The following OVOL2 variants were observed in gnomAD, a reference collection of about 807,000 sequenced individuals.
The protein encoded by OVOL2 is transcription factor Ovo-like 2.
A neutral mutation model predicts 18.1 loss-of-function variants in OVOL2; 13 were observed. That is an observed-to-expected ratio of 0.72 (90% CI 0.47 to 1.14). The LOEUF (loss-of-function observed/expected upper bound fraction) is 1.14. OVOL2 is among the 50% of genes most tolerant of loss of function. The pLI, the probability that OVOL2 is intolerant of heterozygous loss-of-function variation, is 0.00. For missense variants in OVOL2, 335 were observed against 383.0 expected, an observed-to-expected ratio of 0.87 and a Z score of 1.05; for synonymous variants, 166 against 162.7, an observed-to-expected ratio of 1.02 and a Z score of -0.16.
At chr20:18,054,862 A>C (rs2122728743) in intron 2 of OVOL2, among the ~76,000 whole-genome samples, 1 of 152,286 alleles carries the variant, frequency 6.6e-6, no homozygotes, top group African/African-American at 2.4e-5. Flanking sequence ...GAACTTTATA[A>C]TTATACAACG....
intron 3 of OVOL2, among the ~76,000 whole-genome samples, chr20:18,031,611 C>T (rs1393530985): frequency 1.3e-5 from 2 of 152,118 alleles, no homozygotes; most frequent in Admixed American, 1.3e-4. Context: ...AAGCTGGCTG[C>T]TGGGTACATG....
At chr20:18,041,187 G>A (rs1021215500) in intron 3 of OVOL2, among the ~76,000 whole-genome samples, 2 of 151,594 alleles carry the variant, frequency 1.3e-5, no homozygotes, top group Non-Finnish European at 2.9e-5. Context: ...TTTTTGAGAT[G>A]GAGTCTTGCA....
intron 2 of OVOL2, among the ~76,000 whole-genome samples, chr20:18,048,542 C>T (rs1228884179): frequency 6.6e-6 from 1 of 151,986 alleles, no homozygotes; most frequent in Non-Finnish European, 1.5e-5. Flanking sequence ...GCCTGGCCAA[C>T]ATGGTAAAAC....
At chr20:18,051,662 G>C (rs1210019211) in intron 2 of OVOL2, among the ~76,000 whole-genome samples, 1 of 152,262 alleles carries the variant, frequency 6.6e-6, no homozygotes, top group East Asian at 1.9e-4. Flanking sequence ...ATTATATTCT[G>C]TACTGTCCAG....
At chr20:18,043,194 T>C (rs1217000890) in intron 2 of OVOL2, among the ~76,000 whole-genome samples, 1 of 152,134 alleles carries the variant, frequency 6.6e-6, no homozygotes, top group Admixed American at 6.5e-5. Flanking sequence ...GAGCCTGGTA[T>C]GTTATATTAC....
At chr20:18,037,560 A>G (rs2036627573) in intron 3 of OVOL2, among the ~76,000 whole-genome samples, 1 of 152,176 alleles carries the variant, frequency 6.6e-6, no homozygotes, top group South Asian at 2.1e-4. Flanking sequence ...TGCCCCACTC[A>G]TATCCCCTTA....
At chr20:18,039,795 C>G (rs1267376811) in intron 3 of OVOL2, among the ~76,000 whole-genome samples, 1 of 152,096 alleles carries the variant, frequency 6.6e-6, no homozygotes, top group Non-Finnish European at 1.5e-5. Flanking sequence ...AAATAGGATG[C>G]AGAGGCCTAA....
chr20:18,051,208 TC>T lies in OVOL2; in HGVS notation c.321+5448del, dbSNP rs1427188360. ...CTGGGCAACATAGTGAGGCCCTGTC[TC>T]AAAAGGAAAAATAAATAAAGAGAAA... On this transcript the variant is annotated intron_variant, in intron 2 of 3. Transcript: ENST00000278780. Among the ~76,000 whole-genome samples the T allele has an allele frequency of 5.3e-5, 8 of 151,880 alleles. No individual in the cohort carries two copies. In the South Asian group the frequency reaches 1.7e-3, roughly 32 times the overall value.
chr20:18,034,803 C>A (rs1385500020), intron 3 of OVOL2, among the ~76,000 whole-genome samples: 4 of 152,108 alleles, frequency 2.6e-5, no homozygotes, highest in African/African-American at 9.7e-5. Context: ...CAAGATATTT[C>A]TTTGTGTTTT....
rs753069835 is a variant in OVOL2, at chr20:18,024,965, G to A, written c.512-13C>T. ...TAGGGACGAATGCCTGAAAGGATGA[G>A]GGACAGACACAGCATCGGTTGGTCA... On this transcript the variant is annotated splice_polypyrimidine_tract_variant and intron_variant, in intron 3 of 3. Coordinates refer to ENST00000278780, the MANE Select transcript of OVOL2 (RefSeq NM_021220.4). 6.2e-6 allele frequency: 10 copies of A among 1,601,430 alleles called. No homozygotes were observed. The highest frequency in any genetic ancestry group is 4.0e-5 in the African/African-American group (3 of 74,734).
upstream of OVOL2, among the ~76,000 whole-genome samples, chr20:18,058,359 T>TG (rs1390329651): frequency 6.7e-6 from 1 of 149,706 alleles, no homozygotes; most frequent in East Asian, 2.0e-4. Context: ...TTATTAATAA[T>TG]GGGGGGTGGG....
At chr20:18,052,640 A>G (rs1329820828) in intron 2 of OVOL2, among the ~76,000 whole-genome samples, 1 of 152,232 alleles carries the variant, frequency 6.6e-6, no homozygotes, top group African/African-American at 2.4e-5. Context: ...ACACATCTGC[A>G]CCACTACAAG....
intron 3 of OVOL2, among the ~76,000 whole-genome samples, chr20:18,029,746 G>A (rs2036551442): frequency 6.6e-6 from 1 of 152,180 alleles, no homozygotes; most frequent in Non-Finnish European, 1.5e-5. Context: ...GGGAGGCCAA[G>A]GCAGGAGGAT....
At chr20:18,043,080 C>T (rs893715951) in intron 2 of OVOL2, among the ~76,000 whole-genome samples, 1 of 152,164 alleles carries the variant, frequency 6.6e-6, no homozygotes, top group Admixed American at 6.5e-5. Flanking sequence ...GCAAACGGTG[C>T]CTTCTTCCTC....
intron 2 of OVOL2, among the ~76,000 whole-genome samples, chr20:18,046,957 A>C (rs1228750391): frequency 5.9e-5 from 9 of 151,824 alleles, no homozygotes; most frequent in African/African-American, 2.2e-4. Flanking sequence ...AAAAAAAAAA[A>C]CCTAGATCTG....
chr20:18,035,142 C>T (rs887065235), intron 3 of OVOL2, among the ~76,000 whole-genome samples: 1 of 152,188 alleles, frequency 6.6e-6, no homozygotes, highest in African/African-American at 2.4e-5. Context: ...ACAACACTCA[C>T]AGCTCAATCA....
intron 2 of OVOL2, among the ~76,000 whole-genome samples, chr20:18,055,698 G>A (rs896971373): frequency 2.0e-5 from 3 of 152,080 alleles, no homozygotes; most frequent in Non-Finnish European, 2.9e-5. Context: ...CCTCCCCACC[G>A]CCCTCTACTC....
In OVOL2 at chr20:18,056,147, T is replaced by C. The variant is rs1317702385; in HGVS notation, c.321+510A>G. Among the ~76,000 whole-genome samples the C allele has an allele frequency of 6.6e-6, 1 of 152,190 alleles. No homozygotes were observed. The highest frequency in any genetic ancestry group is 1.5e-5 in the Non-Finnish European group (1 of 68,022). Reference sequence around the variant, plus strand: ...GACAGACACTGGGAACCGGTTCATGTTGGGAGAGGCCCACTATGTGTCAAG... The same window carrying C: ...GACAGACACTGGGAACCGGTTCATGCTGGGAGAGGCCCACTATGTGTCAAG... On this transcript the variant is annotated intron_variant, in intron 2 of 3. Coordinates refer to ENST00000278780, the MANE Select transcript of OVOL2 (RefSeq NM_021220.4). This position sits in a 1 kb window ranked among gnomAD's most constrained non-coding sequence, Gnocchi z 4.2.
At chr20:18,033,609 C>T (rs1410083447) in intron 3 of OVOL2, among the ~76,000 whole-genome samples, 1 of 152,156 alleles carries the variant, frequency 6.6e-6, no homozygotes, top group Non-Finnish European at 1.5e-5. Flanking sequence ...TTTCCATAAA[C>T]GCGGGACTTA....
Sources: gnomAD v4.1 joint callset for allele counts (sites outside exome capture counted in the v4.1 genomes callset) on GRCh38, gnomAD v4.1.1 for gene constraint, Gnocchi (gnomAD v3.1) non-coding constraint, MANE v1.5 for transcripts, NCBI Gene and HGNC (gene_info 2026-07-23, HGNC 2026-07-21) for gene names.